Variants in EPHA6 observed in about 807,000 individuals in gnomAD.
EPHA6 encodes the protein EPH receptor A6, also known as ephrin type-A receptor 6.
Under a neutral mutation model 112.0 loss-of-function variants are expected in EPHA6, and 50 were observed. The ratio of observed to expected loss-of-function variants is 0.45; its 90% confidence interval spans 0.36 to 0.56. The LOEUF (loss-of-function observed/expected upper bound fraction) is 0.56, where lower values mean the gene tolerates loss of function less well. Among genes scored for constraint, EPHA6 ranks in the 20% least tolerant of loss-of-function variants. The probability of loss-of-function intolerance (pLI) is 0.00; values close to 1 mark genes in which losing one functional copy is unlikely to be tolerated. For synonymous variants in EPHA6, 529 were observed against 490.7 expected, an observed-to-expected ratio of 1.08 and a Z score of -1.03; for missense variants, 1,280 against 1,417.4, an observed-to-expected ratio of 0.90 and a Z score of 1.56.
chr3:97,367,213 GTATTA>G (rs935513452), intron 5 of EPHA6, among the ~76,000 whole-genome samples: 8 of 152,142 alleles, frequency 5.3e-5, no homozygotes, highest in African/African-American at 1.9e-4. Flanking sequence ...CAGTAATACA[GTATTA>G]TATTAATGTG....
chr3:97,162,255 C>A (rs2108402243), intron 3 of EPHA6, among the ~76,000 whole-genome samples: 1 of 152,250 alleles, frequency 6.6e-6, no homozygotes, highest in East Asian at 1.9e-4. Context: ...TGTAGTATTG[C>A]TTCTGGTTTA....
At chr3:97,060,562 G>A (rs1320088197) in intron 3 of EPHA6, among the ~76,000 whole-genome samples, 1 of 152,012 alleles carries the variant, frequency 6.6e-6, no homozygotes, top group Non-Finnish European at 1.5e-5. Context: ...AAATTTCCTT[G>A]TAACAAACAA....
intron 11 of EPHA6, among the ~76,000 whole-genome samples, chr3:97,535,852 T>A (rs2092756511): frequency 6.6e-6 from 1 of 152,146 alleles, no homozygotes; most frequent in Non-Finnish European, 1.5e-5. Flanking sequence ...GCATTTTTTT[T>A]TATCTCATAT....
chr3:97,571,908 T>A (rs1037488528), intron 11 of EPHA6, among the ~76,000 whole-genome samples: 3 of 152,198 alleles, frequency 2.0e-5, no homozygotes, highest in African/African-American at 7.2e-5. Flanking sequence ...AGAACCATCA[T>A]TGCAATGTAT....
chr3:96,953,403 C>T (rs1435411612), intron 2 of EPHA6, among the ~76,000 whole-genome samples: 1 of 152,010 alleles, frequency 6.6e-6, no homozygotes, highest in African/African-American at 2.4e-5. Flanking sequence ...TTCCTTTTTC[C>T]AGCCGTTTAA....
intron 3 of EPHA6, among the ~76,000 whole-genome samples, chr3:97,055,902 G>C (rs1210443420): frequency 6.6e-6 from 1 of 151,968 alleles, no homozygotes; most frequent in African/African-American, 2.4e-5. Flanking sequence ...TTTTTAACTT[G>C]GGAAGATTTT....
chr3:97,375,948 C>A (rs1361033981), intron 5 of EPHA6, among the ~76,000 whole-genome samples: 1 of 152,040 alleles, frequency 6.6e-6, no homozygotes, highest in African/African-American at 2.4e-5. Flanking sequence ...ATGGGACAAG[C>A]CTAATATTTT....
chr3:97,450,317 G>T (rs959909164), intron 7 of EPHA6, among the ~76,000 whole-genome samples: 1 of 151,950 alleles, frequency 6.6e-6, no homozygotes, highest in Admixed American at 6.6e-5. Flanking sequence ...CAAGATTGTC[G>T]AATTATTGTC....
Position 97,484,047 on chromosome 3 carries a change from G to C in EPHA6, c.2188G>C (p.Val730Leu). 3 of 1,601,464 alleles carry C rather than the reference G, an allele frequency of 1.9e-6. No individual in the cohort carries two copies. In the South Asian group the frequency reaches 3.4e-5, roughly 18 times the overall value. Residue 730 changes from valine to leucine, a missense_variant, in exon 10 of 18, where the codon GTC becomes CTC. Coordinates refer to ENST00000389672, the MANE Select transcript of EPHA6 (RefSeq NM_001080448.3). ...TCCCTCAAGAATTCGTATTGAGAGA[G>C]TCATTGGGGCAGGTAAATGTCAAAT... Reference protein sequence around the residue: ...IDPSRIRIERVIGAGEFGEVC... With the variant: ...IDPSRIRIERLIGAGEFGEVC...
At chr3:97,304,647 G>A (rs1264152901) in intron 5 of EPHA6, among the ~76,000 whole-genome samples, 1 of 151,980 alleles carries the variant, frequency 6.6e-6, no homozygotes, top group African/African-American at 2.4e-5. Flanking sequence ...AATGGGAAAA[G>A]GATTCCCTAT....
In EPHA6 at chr3:97,278,449, G is replaced by A. The variant is rs879945065; in HGVS notation, c.1606+34162G>A. Among the ~76,000 whole-genome samples, 3 of 152,142 alleles carry A rather than the reference G, an allele frequency of 2.0e-5. No individual in the cohort carries two copies. In the East Asian group the frequency reaches 5.8e-4, roughly 29 times the overall value. On this transcript the variant is annotated intron_variant, in intron 5 of 17. Transcript: ENST00000389672. ...TTAAAGTTTATAAATTGAATAACAG[G>A]CTTATACATTATAAGCCTTTGCGTT... is the stretch of plus-strand genomic sequence containing the variant.
chr3:97,524,246 T>C (rs2092587303), intron 10 of EPHA6, among the ~76,000 whole-genome samples: 1 of 152,050 alleles, frequency 6.6e-6, no homozygotes, highest in Non-Finnish European at 1.5e-5. Flanking sequence ...ATATTTTGTA[T>C]ATCTGCCAGA....
At chr3:97,177,712 CTCT>C (rs2076875619) in intron 3 of EPHA6, among the ~76,000 whole-genome samples, 1 of 151,874 alleles carries the variant, frequency 6.6e-6, no homozygotes, top group Non-Finnish European at 1.5e-5. Flanking sequence ...GGGACTCTGT[CTCT>C]TCTTATAGTT....
At chr3:96,976,786 C>G (rs1396262431) in intron 2 of EPHA6, among the ~76,000 whole-genome samples, 1 of 152,080 alleles carries the variant, frequency 6.6e-6, no homozygotes, top group Non-Finnish European at 1.5e-5. Flanking sequence ...TATTTCTATA[C>G]CATAGCACAG....
chr3:97,198,730 G>GA (rs1213519049), intron 3 of EPHA6, among the ~76,000 whole-genome samples: 1 of 151,968 alleles, frequency 6.6e-6, no homozygotes, highest in South Asian at 2.1e-4. Context: ...CTGTGTTCTG[G>GA]AAAAAACAAA....
intron 6 of EPHA6, among the ~76,000 whole-genome samples, chr3:97,426,786 A>G (rs1429242454): frequency 1.3e-5 from 2 of 152,224 alleles, no homozygotes; most frequent in African/African-American, 4.8e-5. Flanking sequence ...ATATATTTGC[A>G]AACTGTGCAT....
chr3:97,568,245 A>G (rs796237958), intron 11 of EPHA6, among the ~76,000 whole-genome samples: 9 of 152,376 alleles, frequency 5.9e-5, no homozygotes, highest in African/African-American at 1.9e-4. Flanking sequence ...AATAAATTAC[A>G]TCAATCATCA....
chr3:96,963,781 T>C (rs960708130), intron 2 of EPHA6, among the ~76,000 whole-genome samples: 1 of 152,150 alleles, frequency 6.6e-6, no homozygotes, highest in Non-Finnish European at 1.5e-5. Context: ...ATAAAGTAAA[T>C]AACATTTGCG....
chr3:97,202,118 G>A (rs936895601), intron 3 of EPHA6, among the ~76,000 whole-genome samples: 13 of 151,998 alleles, frequency 8.6e-5, no homozygotes, highest in African/African-American at 3.1e-4. Context: ...TGAAAGACTA[G>A]AGACATAAAT....
Sources: allele counts gnomAD v4.1 joint callset (sites outside exome capture counted in the v4.1 genomes callset), GRCh38; gene constraint gnomAD v4.1.1; transcripts MANE v1.5; gene names NCBI Gene and HGNC (gene_info 2026-07-23, HGNC 2026-07-21).